Variants in SAXO1 observed in about 807,000 individuals in gnomAD.
SAXO1 encodes the protein 4930500O09Rik.
In SAXO1, 21 loss-of-function variants were observed where a neutral mutation model predicts 17.5. That is an observed-to-expected ratio of 1.20 (90% CI 0.85 to 1.72). The LOEUF is 1.72. SAXO1 is among the 40% of genes most tolerant of loss of function. SAXO1 has a pLI of 0.00. For synonymous variants in SAXO1, 274 were observed against 216.5 expected, an observed-to-expected ratio of 1.27 and a Z score of -2.33; for missense variants, 843 against 596.0, an observed-to-expected ratio of 1.41 and a Z score of -4.32.
chr9:19,012,672 T>C (rs181587848), intron 1 of SAXO1, among the ~76,000 whole-genome samples: 1 of 152,134 alleles, frequency 6.6e-6, no homozygotes, highest in East Asian at 1.9e-4. Context: ...AGCAGTCCCC[T>C]TGCTTAGAAC....
At chr9:19,044,539 A>G (rs6475311) in intron 1 of SAXO1, among the ~76,000 whole-genome samples, 70,684 of 152,048 alleles carry the variant, frequency 0.46, 17,429 homozygotes, top group African/African-American at 0.64. Context: ...GAATGCACAA[A>G]CAAGAATGGT....
chr9:19,002,127 A>G (rs112568606), intron 1 of SAXO1, among the ~76,000 whole-genome samples: 17,253 of 152,214 alleles, frequency 0.11, 1,003 homozygotes, highest in Admixed American at 0.14. Context: ...CCTCTAAACA[A>G]ATAAACTATA....
intron 1 of SAXO1, among the ~76,000 whole-genome samples, chr9:18,998,174 A>G (rs1186150718): frequency 6.6e-6 from 1 of 152,172 alleles, no homozygotes; most frequent in Non-Finnish European, 1.5e-5. Context: ...TCCCAGCTAA[A>G]GGAGTATGTT....
intron 1 of SAXO1, among the ~76,000 whole-genome samples, chr9:19,030,009 A>G (rs182393942): frequency 1.3e-3 from 200 of 152,340 alleles, no homozygotes; most frequent in African/African-American, 4.7e-3. Context: ...CGTACATATA[A>G]TTAATCGAGG....
At chr9:18,979,160 G>C (rs1197532829) in intron 1 of SAXO1, among the ~76,000 whole-genome samples, 1 of 152,072 alleles carries the variant, frequency 6.6e-6, no homozygotes, top group Non-Finnish European at 1.5e-5. Context: ...AAAGCACTAG[G>C]CTAGACAATA....
Position 18,933,350 on chromosome 9 carries a change from G to A in SAXO1, c.422-4295C>T, listed in dbSNP as rs75710608. Among the ~76,000 whole-genome samples the A allele has an allele frequency of 2.2e-3, 327 of 152,092 alleles. 2 individuals are homozygous for A. The highest frequency in any genetic ancestry group is 3.4e-3 in the Non-Finnish European group (228 of 67,980). ...ATGTTACACCAACTTTGAATTCCCA[G>A]AATAAATCTCATAGTTTTATAAATA... On this transcript the variant is annotated intron_variant, in intron 3 of 3. Coordinates refer to ENST00000380534, the MANE Select transcript of SAXO1 (RefSeq NM_153707.4).
At chr9:18,995,440 C>T (rs1833962879) in intron 1 of SAXO1, among the ~76,000 whole-genome samples, 1 of 152,196 alleles carries the variant, frequency 6.6e-6, no homozygotes, top group Non-Finnish European at 1.5e-5. Context: ...CCAAGGTCAC[C>T]TAGGCTTACT....
intron 1 of SAXO1, among the ~76,000 whole-genome samples, chr9:19,005,038 G>A (rs2130969762): frequency 6.6e-6 from 1 of 152,146 alleles, no homozygotes; most frequent in East Asian, 1.9e-4. Context: ...TTACAATAAT[G>A]TCAAAAAGAA....
intron 1 of SAXO1, among the ~76,000 whole-genome samples, chr9:18,987,632 C>T (rs1423279203): frequency 6.6e-6 from 1 of 152,114 alleles, no homozygotes; most frequent in East Asian, 1.9e-4. Context: ...GGTATGGTAG[C>T]CCATGCCTGT....
intron 1 of SAXO1, among the ~76,000 whole-genome samples, chr9:18,981,639 G>A (rs1444497787): frequency 1.3e-5 from 2 of 152,156 alleles, no homozygotes; most frequent in Non-Finnish European, 2.9e-5. Flanking sequence ...CTTTAGAACA[G>A]GCATTCACAA....
intron 1 of SAXO1, among the ~76,000 whole-genome samples, chr9:18,986,722 G>A (rs1490239657): frequency 6.6e-6 from 1 of 152,152 alleles, no homozygotes; most frequent in Admixed American, 6.5e-5. Flanking sequence ...GGAAGCAAGG[G>A]GGCAAAGACT....
At chr9:18,992,400 T>A (rs1225086198) in intron 1 of SAXO1, among the ~76,000 whole-genome samples, 1 of 152,192 alleles carries the variant, frequency 6.6e-6, no homozygotes, top group Non-Finnish European at 1.5e-5. Flanking sequence ...TGTCTTAGTG[T>A]CCAAATTTTC....
intron 1 of SAXO1, among the ~76,000 whole-genome samples, chr9:18,988,199 G>A (rs926848030): frequency 6.6e-5 from 10 of 152,210 alleles, no homozygotes; most frequent in African/African-American, 2.4e-4. Context: ...CTCTGAAAGT[G>A]AGTATCAGCA....
chr9:18,932,601 C>T (rs1831102154), intron 3 of SAXO1, among the ~76,000 whole-genome samples: 1 of 152,214 alleles, frequency 6.6e-6, no homozygotes, highest in South Asian at 2.1e-4. Flanking sequence ...ATAGGAATTG[C>T]ATTGAATCTA....
At chr9:18,945,340 T>C (rs1425759805) in intron 2 of SAXO1, among the ~76,000 whole-genome samples, 2 of 152,198 alleles carry the variant, frequency 1.3e-5, no homozygotes, top group African/African-American at 4.8e-5. Context: ...CACTCAATTT[T>C]TCAATACTCT....
chr9:18,934,657 G>T (rs1831210902), intron 3 of SAXO1, among the ~76,000 whole-genome samples: 1 of 152,028 alleles, frequency 6.6e-6, no homozygotes, highest in Non-Finnish European at 1.5e-5. Flanking sequence ...CCAACATCTG[G>T]GCTCCTGCAG....
At chr9:19,010,204 A>G (rs1447965686) in intron 1 of SAXO1, among the ~76,000 whole-genome samples, 2 of 152,070 alleles carry the variant, frequency 1.3e-5, no homozygotes, top group East Asian at 1.9e-4. Flanking sequence ...AGTAAGGTTT[A>G]TTTTCACTTA....
chr9:19,034,917 T>G (rs544109773), upstream of SAXO1, among the ~76,000 whole-genome samples: 2 of 152,312 alleles, frequency 1.3e-5, no homozygotes, highest in Non-Finnish European at 2.9e-5. Context: ...CCCCCTGCCA[T>G]TCAAACTGCC....
intron 1 of SAXO1, among the ~76,000 whole-genome samples, chr9:19,044,284 T>C (rs552715785): frequency 1.3e-5 from 2 of 152,330 alleles, no homozygotes; most frequent in South Asian, 2.1e-4. Context: ...ACACCTACTA[T>C]GTACCCACAA....
Sources: allele counts gnomAD v4.1 joint callset (sites outside exome capture counted in the v4.1 genomes callset), GRCh38; gene constraint gnomAD v4.1.1; transcripts MANE v1.5; gene names NCBI Gene and HGNC (gene_info 2026-07-23, HGNC 2026-07-21).